Variants in GRID2 observed in about 807,000 individuals in gnomAD.
GRID2 encodes glutamate receptor ionotropic, delta-2.
A neutral mutation model predicts 114.8 loss-of-function variants in GRID2; 33 were observed. That is an observed-to-expected ratio of 0.29 (90% CI 0.22 to 0.38). The LOEUF is 0.38. Among genes scored for constraint, GRID2 ranks in the 10% least tolerant of loss-of-function variants. GRID2 has a pLI of 1.00. For synonymous variants in GRID2, 505 were observed against 449.9 expected, an observed-to-expected ratio of 1.12 and a Z score of -1.55; for missense variants, 1,184 against 1,257.7, an observed-to-expected ratio of 0.94 and a Z score of 0.89.
intron 14 of GRID2, among the ~76,000 whole-genome samples, chr4:93,650,053 G>T (rs1000568040): frequency 6.6e-6 from 1 of 151,982 alleles, no homozygotes; most frequent in African/African-American, 2.4e-5. Context: ...GGTACTCTTG[G>T]TGCCTGCTTC....
intron 13 of GRID2, among the ~76,000 whole-genome samples, chr4:93,563,504 C>T (rs923789557): frequency 3.3e-5 from 5 of 151,756 alleles, no homozygotes; most frequent in African/African-American, 9.7e-5. Context: ...TAGATTTGTA[C>T]CAAAAATAAA....
chr4:93,199,446 C>G (rs897063292), intron 4 of GRID2, among the ~76,000 whole-genome samples: 1 of 152,142 alleles, frequency 6.6e-6, no homozygotes, highest in East Asian at 1.9e-4. Context: ...TTGGCTAAGT[C>G]TCAGCGGTGG....
chr4:92,862,186 A>G (rs1347657773), intron 2 of GRID2, among the ~76,000 whole-genome samples: 2 of 152,108 alleles, frequency 1.3e-5, no homozygotes, highest in East Asian at 1.9e-4. Context: ...TTTTGGGACA[A>G]TTGTTTCAAT....
intron 2 of GRID2, among the ~76,000 whole-genome samples, chr4:92,759,452 C>T (rs975219825): frequency 6.6e-6 from 1 of 151,962 alleles, no homozygotes; most frequent in Non-Finnish European, 1.5e-5. Context: ...AAGGAACTTC[C>T]CCCCAATACT....
chr4:93,551,746 A>G (rs1381922067), intron 13 of GRID2, among the ~76,000 whole-genome samples: 1 of 152,184 alleles, frequency 6.6e-6, no homozygotes, highest in East Asian at 1.9e-4. Context: ...CACTGAAAAT[A>G]ATGGCCAAAA....
At chr4:93,368,073 G>A (rs962750262) in intron 8 of GRID2, among the ~76,000 whole-genome samples, 5 of 152,174 alleles carry the variant, frequency 3.3e-5, no homozygotes, top group Admixed American at 2.6e-4. Flanking sequence ...AATGCTTAAA[G>A]ACCTTCAAAC....
chr4:93,211,007 C>T (rs1743402304), intron 5 of GRID2, among the ~76,000 whole-genome samples: 1 of 152,044 alleles, frequency 6.6e-6, no homozygotes, highest in Non-Finnish European at 1.5e-5. Flanking sequence ...AAAGTGACTT[C>T]TTACCTCTTT....
chr4:92,408,761 T>G (rs1731154925), intron 1 of GRID2, among the ~76,000 whole-genome samples: 1 of 152,042 alleles, frequency 6.6e-6, no homozygotes. Flanking sequence ...ATTGTGTTCT[T>G]GATTTGGTTC....
chr4:92,620,130 G>T (rs778658375), intron 2 of GRID2, among the ~76,000 whole-genome samples: 145 of 151,818 alleles, frequency 9.6e-4, no homozygotes, highest in Non-Finnish European at 2.0e-3. Context: ...AGACTGGCAT[G>T]GGAGATTGAA....
chr4:93,729,117 T>G (rs1730234342), intron 14 of GRID2, among the ~76,000 whole-genome samples: 1 of 152,130 alleles, frequency 6.6e-6, no homozygotes, highest in African/African-American at 2.4e-5. Context: ...AGGCTGATCT[T>G]GAACTCCTGA....
chr4:92,864,090 C>A (rs1423586851), intron 2 of GRID2, among the ~76,000 whole-genome samples: 3 of 152,114 alleles, frequency 2.0e-5, no homozygotes, highest in African/African-American at 7.2e-5. Context: ...ATCCATAAAT[C>A]ATTTAAATTC....
chr4:93,454,578 G>A (rs975714232), intron 10 of GRID2, among the ~76,000 whole-genome samples: 10 of 151,914 alleles, frequency 6.6e-5, no homozygotes, highest in Non-Finnish European at 1.2e-4. Context: ...ATACAAACAC[G>A]TACCCACACT....
At chr4:93,159,080 T>G (rs569640077) in intron 4 of GRID2, among the ~76,000 whole-genome samples, 1 of 151,612 alleles carries the variant, frequency 6.6e-6, no homozygotes, top group African/African-American at 2.4e-5. Context: ...TTTCTACTGG[T>G]GGCTGAGTCC....
intron 1 of GRID2, among the ~76,000 whole-genome samples, chr4:92,462,746 G>A (rs1211413179): frequency 1.3e-5 from 2 of 151,866 alleles, no homozygotes; most frequent in Non-Finnish European, 2.9e-5. Context: ...AGACACTTCT[G>A]AATCAATATC....
Position 92,936,680 on chromosome 4 carries a change from A to G in GRID2, c.245-148315A>G, listed in dbSNP as rs570770576. 3.1e-4 allele frequency among the ~76,000 whole-genome samples: 45 copies of G among 146,338 alleles called. 7 individuals are homozygous for G. Among genetic ancestry groups the G allele is most frequent in the Admixed American group, 6.0e-4 (8 of 13,336 alleles). The stretch of plus-strand genomic sequence containing the variant: ...AAGGTCACAATTCTGTCTTAATTTC[A>G]TAGTATTGCTGTAACTTCAATTAAG... On this transcript the variant is annotated intron_variant, in intron 2 of 15. Coordinates refer to ENST00000282020, the MANE Select transcript of GRID2 (RefSeq NM_001510.4).
intron 14 of GRID2, among the ~76,000 whole-genome samples, chr4:93,672,117 G>A (rs1490129849): frequency 6.6e-6 from 1 of 152,174 alleles, no homozygotes. Flanking sequence ...TACCAGTTGA[G>A]GAGTTTATAG....
intron 1 of GRID2, among the ~76,000 whole-genome samples, chr4:92,444,239 C>A (rs897234596): frequency 6.6e-6 from 1 of 152,018 alleles, no homozygotes; most frequent in African/African-American, 2.4e-5. Context: ...ACCAAACAGG[C>A]TTTGTGTGAG....
intron 9 of GRID2, among the ~76,000 whole-genome samples, chr4:93,400,559 G>A (rs1765777743): frequency 6.6e-6 from 1 of 151,760 alleles, no homozygotes; most frequent in African/African-American, 2.4e-5. Flanking sequence ...AAACACTATT[G>A]GAAACATTAC....
chr4:93,216,953 T>G (rs1479777773), intron 6 of GRID2, 42 bp downstream of exon 6: 1 of 1,385,868 alleles, frequency 7.2e-7, no homozygotes, highest in East Asian at 2.3e-5. Flanking sequence ...GGGTGCTTTG[T>G]TGGGCAATTG....
Sources: allele counts gnomAD v4.1 joint callset (sites outside exome capture counted in the v4.1 genomes callset), GRCh38; gene constraint gnomAD v4.1.1; transcripts MANE v1.5; gene names NCBI Gene and HGNC (gene_info 2026-07-23, HGNC 2026-07-21).